Variants in DACH2 observed in about 807,000 individuals in gnomAD.
DACH2 encodes the protein dachshund family transcription factor 2.
A neutral mutation model predicts 35.8 loss-of-function variants in DACH2; 17 were observed. That is an observed-to-expected ratio of 0.48 (90% CI 0.33 to 0.71). DACH2 has a LOEUF of 0.71. DACH2 is among the 30% of genes least tolerant of loss of function. The probability of loss-of-function intolerance (pLI) is 0.02; values close to 1 mark genes in which losing one functional copy is unlikely to be tolerated. For missense variants in DACH2, 469 were observed against 472.7 expected (o/e 0.99, Z 0.07); for synonymous variants, 195 against 177.3 (o/e 1.10, Z -0.79).
At chrX:86,499,461 AGAG>A (rs1323136235) in intron 2 of DACH2, among the ~76,000 whole-genome samples, 2 of 111,672 alleles carry the variant, frequency 1.8e-5, no homozygotes, top group Middle Eastern at 4.2e-3. Context: ...CACAAGGCAT[AGAG>A]GAGGTCATTT....
At chrX:86,313,604 C>T (rs1364281219) in intron 1 of DACH2, among the ~76,000 whole-genome samples, 1 of 111,969 alleles carries the variant, frequency 8.9e-6, no homozygotes, top group African/African-American at 3.2e-5. Flanking sequence ...AAACTGAAGG[C>T]AATTACAGAC....
chrX:86,451,460 G>C (rs1220306549), intron 2 of DACH2, among the ~76,000 whole-genome samples: 1 of 111,371 alleles, frequency 9.0e-6, no homozygotes, highest in African/African-American at 3.3e-5. Context: ...GGTTGCTGTA[G>C]GCTTGTAGCA....
chrX:86,419,886 C>T (rs1021520319), intron 2 of DACH2, among the ~76,000 whole-genome samples: 2 of 111,552 alleles, frequency 1.8e-5, no homozygotes, highest in Admixed American at 9.5e-5. Flanking sequence ...TTGTTGGCAT[C>T]GGAGATATCT....
At chrX:86,362,213 T>C (rs974081583) in intron 1 of DACH2, among the ~76,000 whole-genome samples, 2 of 111,127 alleles carry the variant, frequency 1.8e-5, no homozygotes, top group African/African-American at 6.5e-5. Context: ...AGTGGGACAG[T>C]TATTATGGAC....
intron 11 of DACH2, among the ~76,000 whole-genome samples, chrX:86,825,181 G>A (rs182468325): frequency 1.2e-3 from 133 of 111,557 alleles, no homozygotes; most frequent in African/African-American, 4.0e-3. Context: ...TTGGGAGACC[G>A]AGGCAGGTGG....
chrX:86,440,806 T>G, intron 2 of DACH2, among the ~76,000 whole-genome samples: 1 of 111,760 alleles, frequency 8.9e-6, no homozygotes, highest in East Asian at 2.8e-4. Context: ...CATGTATTTA[T>G]CATTTCTTTG....
chrX:86,246,308 T>A (rs1446789617), intron 1 of DACH2, among the ~76,000 whole-genome samples: 1 of 110,859 alleles, frequency 9.0e-6, no homozygotes, highest in African/African-American at 3.3e-5. Context: ...ATTCAGGAAA[T>A]TCAGAGAACC....
intron 3 of DACH2, among the ~76,000 whole-genome samples, chrX:86,542,226 G>T (rs886241778): frequency 1.8e-5 from 2 of 111,187 alleles, no homozygotes; most frequent in African/African-American, 6.6e-5. Context: ...TTGGAATATG[G>T]TTTGTCCCCA....
intron 2 of DACH2, among the ~76,000 whole-genome samples, chrX:86,457,943 A>G (rs1192085217): frequency 8.9e-6 from 1 of 112,007 alleles, no homozygotes; most frequent in Non-Finnish European, 1.9e-5. Context: ...TCTCTAAAGG[A>G]GATAGTCCCT....
chrX:86,286,115 G>GTTTTTTTTTTTT lies in DACH2; in HGVS notation c.489-90696_489-90685dup, dbSNP rs753864299. ...GTTCTTCCATCCATTCAGCCAGTCT[G>GTTTTTTTTTTTT]TTTTTTTTTTTTTTTTTTTTTTTTG... is the stretch of plus-strand genomic sequence containing the variant. On this transcript the variant is annotated intron_variant, in intron 1 of 11. Transcript: ENST00000373125. Among the ~76,000 whole-genome samples, 2 of 45,760 alleles carry GTTTTTTTTTTTT rather than the reference G, an allele frequency of 4.4e-5. 1 individual carries two copies. Among genetic ancestry groups the GTTTTTTTTTTTT allele is most frequent in the Non-Finnish European group, 6.9e-5 (2 of 28,996 alleles). 39.7% of individuals were successfully genotyped at this position (45,760 alleles called of 115,157 possible). A position where few individuals can be genotyped will look rare whatever the true frequency, so the allele number is the denominator to read the frequency against.
At chrX:86,502,754 A>G (rs2038269291) in intron 2 of DACH2, among the ~76,000 whole-genome samples, 1 of 112,403 alleles carries the variant, frequency 8.9e-6, no homozygotes, top group African/African-American at 3.2e-5. Context: ...AAAGACAACA[A>G]ATACATACAC....
chrX:86,624,204 T>C (rs1361688625), intron 3 of DACH2, among the ~76,000 whole-genome samples: 1 of 111,334 alleles, frequency 9.0e-6, no homozygotes, highest in Non-Finnish European at 1.9e-5. Flanking sequence ...TTGAAATTAC[T>C]AGTAGCAGGA....
chrX:86,538,555 T>G (rs1288830133), intron 3 of DACH2, among the ~76,000 whole-genome samples: 1 of 112,186 alleles, frequency 8.9e-6, no homozygotes, highest in African/African-American at 3.2e-5. Flanking sequence ...CTCACAGTTC[T>G]GGAAGCTTGG....
At chrX:86,225,119 T>G (rs1014689777) in intron 1 of DACH2, among the ~76,000 whole-genome samples, 16 of 108,128 alleles carry the variant, frequency 1.5e-4, no homozygotes, top group Admixed American at 2.9e-4. Context: ...AAATGAGAGC[T>G]AGTTTGTATA....
intron 2 of DACH2, among the ~76,000 whole-genome samples, chrX:86,381,783 G>T (rs959569066): frequency 4.5e-5 from 5 of 110,802 alleles, no homozygotes; most frequent in Admixed American, 2.9e-4. Flanking sequence ...CAGTTAATAA[G>T]ATCATAACTT....
At chrX:86,767,447 G>A (rs1193089365) in intron 7 of DACH2, among the ~76,000 whole-genome samples, 1 of 111,834 alleles carries the variant, frequency 8.9e-6, no homozygotes. Context: ...CAAGGAAGGA[G>A]GGTACCTACC....
At chrX:86,763,528 A>G (rs1232328334) in intron 7 of DACH2, among the ~76,000 whole-genome samples, 2 of 111,793 alleles carry the variant, frequency 1.8e-5, no homozygotes, top group Non-Finnish European at 3.8e-5. Flanking sequence ...ATCTTGGCTC[A>G]CTGCAACCTC....
intron 3 of DACH2, among the ~76,000 whole-genome samples, chrX:86,616,786 G>A (rs2040010066): frequency 2.7e-5 from 3 of 112,067 alleles, no homozygotes; most frequent in Admixed American, 9.5e-5. Context: ...CATTTGTCAA[G>A]TTTTGCTTTT....
chrX:86,455,429 C>T (rs773100495), intron 2 of DACH2, among the ~76,000 whole-genome samples: 20 of 111,604 alleles, frequency 1.8e-4, no homozygotes, highest in Middle Eastern at 4.2e-3. Flanking sequence ...TCCCTCCCCC[C>T]GAAACTCTGT....
Sources: allele counts gnomAD v4.1 joint callset (sites outside exome capture counted in the v4.1 genomes callset), GRCh38; gene constraint gnomAD v4.1.1; transcripts MANE v1.5; gene names NCBI Gene and HGNC (gene_info 2026-07-23, HGNC 2026-07-21).